PALM: variants seen among roughly 807,000 people sequenced by gnomAD.
PALM encodes paralemmin-1.
Under a neutral mutation model 30.7 loss-of-function variants are expected in PALM, and 18 were observed. The observed-to-expected ratio is 0.59, with a 90% CI of 0.41 to 0.87. The LOEUF (loss-of-function observed/expected upper bound fraction) is 0.87, where lower values mean the gene tolerates loss of function less well. Ranked by LOEUF, PALM falls within the 40% of genes least tolerant of loss-of-function variation. The pLI, the probability that PALM is intolerant of heterozygous loss-of-function variation, is 0.00. For synonymous variants in PALM, 286 were observed against 242.8 expected, an observed-to-expected ratio of 1.18 and a Z score of -1.66; for missense variants, 529 against 555.4, an observed-to-expected ratio of 0.95 and a Z score of 0.48.
At chr19:743,508 A>G (rs1010839147) in intron 8 of PALM, among the ~76,000 whole-genome samples, 9 of 152,216 alleles carry the variant, frequency 5.9e-5, no homozygotes, top group Non-Finnish European at 1.3e-4. Context: ...CCTCCAGCCC[A>G]AAGTCATTGA....
At chr19:735,967 G>A (rs2033010924) in intron 6 of PALM, 52 bp from the exon 7 acceptor site, 9 of 1,508,030 alleles carry the variant, frequency 6.0e-6, no homozygotes, top group Non-Finnish European at 7.3e-6. Flanking sequence ...GGGGGTCCAT[G>A]TGACCTCTCC....
At position 746,487 on chromosome 19, in the gene PALM, G is replaced by A. The variant is rs745848874; in HGVS notation, c.837G>A (p.Gln279=). ...GGGAGATCACCGGTGTGCAGGCACA[G>A]CCAGGCGAGGCCACGTCCGGCCCGC... ...SRREITGVQA[Q]PGEATSGPPG... Residue 279 remains glutamine, a synonymous_variant, in exon 9 of 9, where the codon CAG becomes CAA. Coordinates refer to ENST00000338448, the MANE Select transcript of PALM (RefSeq NM_002579.3). This position sits in a 1 kb window ranked among gnomAD's most constrained non-coding sequence, Gnocchi z 7.1. 1.2e-6 allele frequency: 2 copies of A among 1,611,098 alleles called. No individual in the cohort carries two copies. The highest frequency in any genetic ancestry group is 1.1e-5 in the South Asian group (1 of 90,890).
intron 1 of PALM, 141 bp from the exon 2 acceptor site, chr19:725,994 TTAC>T: frequency 1.4e-6 from 1 of 699,104 alleles, no homozygotes; most frequent in Non-Finnish European, 2.5e-6. Flanking sequence ...GGGCCCCACT[TTAC>T]AGAAGGGGAA....
At position 725,873 on chromosome 19, in the gene PALM, A is replaced by G. The variant is rs1194566220; in HGVS notation, c.6-265A>G. Among the ~76,000 whole-genome samples, 3 of 151,942 alleles carry G rather than the reference A, an allele frequency of 2.0e-5. No individual in the cohort carries two copies. In the South Asian group the frequency reaches 6.2e-4, roughly 32 times the overall value. On this transcript the variant is annotated intron_variant, in intron 1 of 8. Coordinates refer to ENST00000338448, the MANE Select transcript of PALM (RefSeq NM_002579.3). The stretch of plus-strand genomic sequence containing the variant: ...TTTGATGCCTGGTGAACTCCTATGT[A>G]TCCTTGGTGGCCCTGCCTCAATGTC...
chr19:719,447 G>T (rs1044524147), intron 1 of PALM: 6 of 985,320 alleles, frequency 6.1e-6, no homozygotes, highest in Non-Finnish European at 7.2e-6. Flanking sequence ...TCGCGGGGAC[G>T]GGAGGCCTGT....
chr19:723,395 C>G (rs2032558466), intron 1 of PALM, among the ~76,000 whole-genome samples: 1 of 151,992 alleles, frequency 6.6e-6, no homozygotes, highest in African/African-American at 2.4e-5. Flanking sequence ...ACCCCTGGTT[C>G]CCGCCAGGCC....
rs889615199 is a variant in PALM at position 747,112 on chromosome 19, G to A, written c.*298G>A. 56 of 338,918 alleles carry A rather than the reference G, an allele frequency of 1.7e-4. No homozygotes were observed. Among genetic ancestry groups the A allele is most frequent in the Non-Finnish European group, 2.7e-4 (49 of 183,890 alleles). 21.0% of individuals were successfully genotyped at this position (338,918 alleles called of 1,614,324 possible). A position where few individuals can be genotyped will look rare whatever the true frequency, so the allele number is the denominator to read the frequency against. ...CATGTCACGGCAGCTTCACAGACGC[G>A]GCTCGCGCCCACCGGGGTCCTGGCG... On this transcript the variant is annotated 3_prime_UTR_variant, in exon 9 of 9. Transcript: ENST00000338448.
At chr19:728,739 CAA>C (rs1269251481) in intron 4 of PALM, among the ~76,000 whole-genome samples, 13 of 152,016 alleles carry the variant, frequency 8.6e-5, no homozygotes, top group Non-Finnish European at 1.5e-4. Context: ...CGCGGTGGCT[CAA>C]GCCTGTAATC....
At chr19:717,364 C>T (rs1286726780) in intron 1 of PALM, among the ~76,000 whole-genome samples, 2 of 152,082 alleles carry the variant, frequency 1.3e-5, no homozygotes, top group Non-Finnish European at 2.9e-5. Flanking sequence ...TCTGGATCGG[C>T]AGGTCCTGGA....
chr19:723,923 C>T (rs1318245724), intron 1 of PALM, among the ~76,000 whole-genome samples: 1 of 151,912 alleles, frequency 6.6e-6, no homozygotes, highest in African/African-American at 2.4e-5. Context: ...TAAGCACCTA[C>T]TACGTGCAGC....
intron 7 of PALM, among the ~76,000 whole-genome samples, chr19:739,891 G>A (rs925874042): frequency 1.1e-4 from 16 of 152,298 alleles, no homozygotes; most frequent in South Asian, 4.1e-4. Flanking sequence ...CAGGAGAATC[G>A]CTAGAACCGG....
At position 725,976 on chromosome 19, in the gene PALM, G is replaced by C. The variant is rs557357598; in HGVS notation, c.6-162G>C. ...TCCTGGCTTCCTTGGCCGCTGAGGG[G>C]GCAGGGAGGGCCCCACTTTACAGAA... On this transcript the variant is annotated intron_variant, in intron 1 of 8. Coordinates refer to ENST00000338448, the MANE Select transcript of PALM (RefSeq NM_002579.3). Among the ~76,000 whole-genome samples the C allele has an allele frequency of 6.6e-5, 10 of 152,314 alleles. No individual in the cohort carries two copies. In the East Asian group the frequency reaches 1.9e-3, roughly 29 times the overall value.
At chr19:719,296 G>C (rs963270384) in intron 1 of PALM, 10 of 985,250 alleles carry the variant, frequency 1.0e-5, no homozygotes, top group Admixed American at 6.1e-5. Flanking sequence ...CCAACGCCCC[G>C]CACCGCGGAG....
At chr19:741,971 C>T (rs1330719614) in intron 8 of PALM, among the ~76,000 whole-genome samples, 2 of 152,192 alleles carry the variant, frequency 1.3e-5, no homozygotes, top group African/African-American at 2.4e-5. Context: ...CTCGGCCTCC[C>T]GAAATGCTGA....
intron 1 of PALM, among the ~76,000 whole-genome samples, chr19:720,211 CCG>C (rs1434010889): frequency 1.3e-5 from 2 of 151,948 alleles, no homozygotes; most frequent in African/African-American, 2.4e-5. Context: ...GGCCCCACCC[CCG>C]CGCGCCGGGC....
At chr19:729,903 G>C (rs1026036046) in intron 4 of PALM, among the ~76,000 whole-genome samples, 1 of 152,244 alleles carries the variant, frequency 6.6e-6, no homozygotes, top group African/African-American at 2.4e-5. Flanking sequence ...GGCGAAGGCA[G>C]TGGGAGTTAC....
intron 1 of PALM, among the ~76,000 whole-genome samples, chr19:713,381 C>T (rs1337946629): frequency 6.6e-6 from 1 of 152,064 alleles, no homozygotes; most frequent in East Asian, 1.9e-4. Context: ...ATGTCAGTCT[C>T]CTCCGGGCCT....
Position 736,012 on chromosome 19 carries a change from C to G in PALM, c.443-7C>G. 1 of 1,607,678 alleles carries G rather than the reference C, an allele frequency of 6.2e-7. No homozygotes were observed. Among genetic ancestry groups the G allele is most frequent in the Middle Eastern group, 1.7e-4 (1 of 6,042 alleles). ...CATCTCTCTCTCCGCTTCCACCTCC[C>G]GTGCAGACAAGCGAGTCTCCAACAC... On this transcript the variant is annotated splice_polypyrimidine_tract_variant and splice_region_variant and intron_variant, in intron 6 of 8. Coordinates refer to ENST00000338448, the MANE Select transcript of PALM (RefSeq NM_002579.3).
At chr19:714,097 C>T (rs919535080) in intron 1 of PALM, among the ~76,000 whole-genome samples, 4 of 150,896 alleles carry the variant, frequency 2.7e-5, no homozygotes, top group African/African-American at 4.9e-5. Flanking sequence ...AGTAGAGATG[C>T]GGTTTCACTG....
Sources: gnomAD v4.1 joint callset for allele counts (sites outside exome capture counted in the v4.1 genomes callset) on GRCh38, gnomAD v4.1.1 for gene constraint, Gnocchi (gnomAD v3.1) non-coding constraint, MANE v1.5 for transcripts, NCBI Gene and HGNC (gene_info 2026-07-23, HGNC 2026-07-21) for gene names.